Variants in MAPK10 observed in about 807,000 individuals in gnomAD.
The protein encoded by MAPK10 is JNK3 alpha protein kinase.
MAPK10 carries 25 observed loss-of-function variants against 59.3 expected under a neutral mutation model. That is an observed-to-expected ratio of 0.42 (90% confidence interval 0.31 to 0.59). The LOEUF (loss-of-function observed/expected upper bound fraction) is 0.59, where lower values mean the gene tolerates loss of function less well. MAPK10 is among the 20% of genes least tolerant of loss of function. The pLI is 0.15. For synonymous variants in MAPK10, 190 were observed against 200.5 expected, an observed-to-expected ratio of 0.95 and a Z score of 0.44; for missense variants, 351 against 568.9, an observed-to-expected ratio of 0.62 and a Z score of 3.90.
intron 2 of MAPK10, among the ~76,000 whole-genome samples, chr4:86,270,256 T>A (rs1163781960): frequency 6.6e-6 from 1 of 152,024 alleles, no homozygotes; most frequent in African/African-American, 2.4e-5. Context: ...ATAAAGAGAT[T>A]AGTTTGACTT....
chr4:86,590,399 T>G (rs184400059), intron 1 of MAPK10, among the ~76,000 whole-genome samples: 11 of 152,346 alleles, frequency 7.2e-5, no homozygotes, highest in African/African-American at 2.4e-4. Flanking sequence ...TTTTTAAGAC[T>G]CTTCTTATTT....
chr4:86,128,177 G>C (rs1321500599), intron 4 of MAPK10, among the ~76,000 whole-genome samples: 2 of 152,002 alleles, frequency 1.3e-5, no homozygotes, highest in Non-Finnish European at 2.9e-5. Flanking sequence ...AATTTTTTTA[G>C]TTATAAGCAC....
chr4:86,041,259 T>C (rs766825491), intron 11 of MAPK10, among the ~76,000 whole-genome samples: 7 of 152,174 alleles, frequency 4.6e-5, no homozygotes, highest in African/African-American at 7.2e-5. Flanking sequence ...TAAATGATGC[T>C]GGGAAAACTG....
rs185443042 is a variant in MAPK10 at position 86,583,302 on chromosome 4, C to T, written c.-263+10608G>A. Among the ~76,000 whole-genome samples, 13 of 152,136 alleles carry T rather than the reference C, an allele frequency of 8.5e-5. No individual in the cohort carries two copies. The East Asian group carries it at 1.2e-3, about 14-fold the overall frequency. ...CCTCCCAAAGTGCTGGGATTACAGG[C>T]GTGAGTCACCACGCCTGGCCCCCAT... On this transcript the variant is annotated intron_variant, in intron 1 of 4. Transcript: ENST00000502302.
At chr4:86,572,337 T>C (rs1481951261) in intron 1 of MAPK10, among the ~76,000 whole-genome samples, 1 of 152,186 alleles carries the variant, frequency 6.6e-6, no homozygotes, top group African/African-American at 2.4e-5. Flanking sequence ...TGTCTTCTTT[T>C]TGCATTAGAA....
At position 86,311,070 on chromosome 4, in the gene MAPK10, A is replaced by ACACG. The variant is rs1375322151; in HGVS notation, c.-7+43459_-7+43460insCGTG. Among the ~76,000 whole-genome samples, 134 of 151,038 alleles carry ACACG rather than the reference A, an allele frequency of 8.9e-4. 1 individual carries two copies. The highest frequency in any genetic ancestry group is 2.9e-3 in the African/African-American group (118 of 40,958). Reference sequence around the variant, plus strand: ...CACACACACACACACACACACACATACATGCACCCCAACAGAGTCAACCAT... The same window carrying ACACG: ...CACACACACACACACACACACACATACACGCATGCACCCCAACAGAGTCAACCAT... On this transcript the variant is annotated intron_variant, in intron 2 of 13. Coordinates refer to ENST00000641462, the MANE Select transcript of MAPK10 (RefSeq NM_138982.4).
At chr4:86,461,621 T>G (rs958967952) in intron 1 of MAPK10, among the ~76,000 whole-genome samples, 4 of 152,090 alleles carry the variant, frequency 2.6e-5, no homozygotes, top group African/African-American at 9.7e-5. Context: ...ACACTGATGA[T>G]GAGGAGGAAG....
chr4:86,466,745 C>A (rs528795655), intron 1 of MAPK10, among the ~76,000 whole-genome samples: 1 of 152,242 alleles, frequency 6.6e-6, no homozygotes, highest in South Asian at 2.1e-4. Flanking sequence ...GCACACAGAA[C>A]AAAAGAGGGT....
At chr4:86,554,924 T>A (rs1182823342) in intron 1 of MAPK10, among the ~76,000 whole-genome samples, 1 of 152,186 alleles carries the variant, frequency 6.6e-6, no homozygotes, top group Non-Finnish European at 1.5e-5. Flanking sequence ...GAACTTCTCA[T>A]ATATCTTTTC....
intron 2 of MAPK10, among the ~76,000 whole-genome samples, chr4:86,292,911 C>T (rs1180722600): frequency 2.0e-5 from 3 of 152,124 alleles, no homozygotes; most frequent in South Asian, 4.1e-4. Context: ...CGTGTCCAGG[C>T]CATCAGGCTA....
chr4:86,297,581 G>A (rs1173848302), intron 2 of MAPK10, among the ~76,000 whole-genome samples: 1 of 152,184 alleles, frequency 6.6e-6, no homozygotes, highest in Non-Finnish European at 1.5e-5. Context: ...AAAGTGCTGG[G>A]ACTACAGGCA....
chr4:86,428,625 C>T (rs1403058161), intron 1 of MAPK10, among the ~76,000 whole-genome samples: 2 of 152,124 alleles, frequency 1.3e-5, no homozygotes, highest in Non-Finnish European at 2.9e-5. Flanking sequence ...TTTTGACTGA[C>T]AATTATGACT....
chr4:86,344,550 C>T (rs900971603), intron 2 of MAPK10, among the ~76,000 whole-genome samples: 2 of 143,044 alleles, frequency 1.4e-5, no homozygotes, highest in Admixed American at 7.0e-5. Context: ...ATCTTTGTTT[C>T]TGCAGCACCT....
chr4:86,083,317 ACT>A, intron 9 of MAPK10, among the ~76,000 whole-genome samples: 1 of 152,230 alleles, frequency 6.6e-6, no homozygotes, highest in Non-Finnish European at 1.5e-5. Context: ...GGCAGGAGAA[ACT>A]GTCTTTAATT....
At chr4:86,508,507 G>C (rs1351038681) in intron 1 of MAPK10, among the ~76,000 whole-genome samples, 1 of 152,130 alleles carries the variant, frequency 6.6e-6, no homozygotes, top group East Asian at 1.9e-4. Flanking sequence ...TTTACATTCT[G>C]TCTGTGAGGC....
At chr4:86,473,824 A>G (rs1246915586) in intron 1 of MAPK10, among the ~76,000 whole-genome samples, 1 of 152,168 alleles carries the variant, frequency 6.6e-6, no homozygotes, top group Non-Finnish European at 1.5e-5. Flanking sequence ...AAGTGAGGTG[A>G]TTCCAGCAGC....
intron 2 of MAPK10, among the ~76,000 whole-genome samples, chr4:86,352,490 G>A (rs1732056934): frequency 6.6e-6 from 1 of 152,118 alleles, no homozygotes; most frequent in Admixed American, 6.6e-5. Context: ...CTGAAGCATA[G>A]GCAGAACTAA....
chr4:86,425,267 A>G (rs532003144), intron 1 of MAPK10, among the ~76,000 whole-genome samples: 1 of 152,334 alleles, frequency 6.6e-6, no homozygotes, highest in South Asian at 2.1e-4. Flanking sequence ...TGGTGGTCTT[A>G]AAGCAAAAAG....
chr4:86,139,022 G>A (rs1295722168), intron 4 of MAPK10, among the ~76,000 whole-genome samples: 1 of 83,662 alleles, frequency 1.2e-5, no homozygotes, highest in Non-Finnish European at 3.2e-5. Flanking sequence ...ACTGCTCAAA[G>A]AAATAAAAGA....
Sources: gnomAD v4.1 joint callset for allele counts (sites outside exome capture counted in the v4.1 genomes callset) on GRCh38, gnomAD v4.1.1 for gene constraint, MANE v1.5 for transcripts, NCBI Gene and HGNC (gene_info 2026-07-23, HGNC 2026-07-21) for gene names.